The following MACF1 variants were observed in gnomAD, a reference collection of about 807,000 sequenced individuals.
MACF1 encodes microtubule-actin cross-linking factor 1.
A neutral mutation model predicts 854.8 loss-of-function variants in MACF1; 193 were observed. The ratio of observed to expected loss-of-function variants is 0.23; its 90% confidence interval spans 0.20 to 0.25. The LOEUF is 0.25. Among genes scored for constraint, MACF1 ranks in the 10% least tolerant of loss-of-function variants. The probability of loss-of-function intolerance (pLI) is 1.00; values close to 1 mark genes in which losing one functional copy is unlikely to be tolerated. For missense variants in MACF1, 7,722 were observed against 8,929.1 expected (o/e 0.86, Z 5.45); for synonymous variants, 3,185 against 3,226.7 (o/e 0.99, Z 0.44).
rs568382610 is a variant in MACF1 at position 39,371,516 on chromosome 1, G to A, written c.13096-963G>A. Among the ~76,000 whole-genome samples the A allele has an allele frequency of 5.9e-5, 9 of 152,172 alleles. No homozygotes were observed. In the East Asian group the frequency reaches 1.7e-3, roughly 29 times the overall value. ...AAGGCTAGAATGGTGTCCTTTCTCT[G>A]AAAGGAGTAAAATCCTACAACTATG... On this transcript the variant is annotated intron_variant, in intron 51 of 100. Transcript: ENST00000564288.
chr1:39,171,633 A>G (rs10888688), intron 2 of MACF1, among the ~76,000 whole-genome samples: 91,567 of 151,924 alleles, frequency 0.6, 29,661 homozygotes, highest in South Asian at 0.77. Flanking sequence ...AGACATTATA[A>G]TTTTCTTTTT....
chr1:39,265,548 T>C (rs533415385), intron 6 of MACF1, among the ~76,000 whole-genome samples: 7 of 152,356 alleles, frequency 4.6e-5, no homozygotes, highest in Non-Finnish European at 7.3e-5. Context: ...CGAACACTTA[T>C]ATTAGCTAAC....
At position 39,285,134 on chromosome 1, in the gene MACF1, G is replaced by A; in HGVS notation, c.1183G>A (p.Asp395Asn). 1.9e-6 allele frequency: 3 copies of A among 1,614,202 alleles called. No individual in the cohort carries two copies. Among genetic ancestry groups the A allele is most frequent in the Non-Finnish European group, 2.5e-6 (3 of 1,180,036 alleles). Residue 395 changes from aspartate (D) to asparagine (N), a missense_variant, in exon 12 of 101, where the codon GAT (aspartate) becomes AAT (asparagine). Physicochemically the swap from Asp to Asn is conservative, Grantham distance 23. Transcript: ENST00000564288. ...IKLPQGYHPN[D>N]VEEEWGKLII... Reference sequence around the variant, plus strand: ...ACTGCCTCAAGGTTATCACCCTAATGATGTGGAAGAAGAGTGGGGAAAGCT... The same window carrying A: ...ACTGCCTCAAGGTTATCACCCTAATAATGTGGAAGAAGAGTGGGGAAAGCT...
chr1:39,237,580 G>A (rs1001181990), intron 2 of MACF1, among the ~76,000 whole-genome samples: 11 of 152,076 alleles, frequency 7.2e-5, no homozygotes, highest in Admixed American at 1.3e-4. Flanking sequence ...TAACAGCTAG[G>A]GAAAATGAGA....
intron 49 of MACF1, among the ~76,000 whole-genome samples, chr1:39,363,604 CTTT>C (rs1553308665): frequency 3.7e-5 from 5 of 136,088 alleles, no homozygotes; most frequent in Non-Finnish European, 3.2e-5. Context: ...TTCTTTCTTT[CTTT>C]TTTTTTTTTT....
At chr1:39,090,871 A>G (rs1641785512) in intron 2 of MACF1, among the ~76,000 whole-genome samples, 1 of 152,226 alleles carries the variant, frequency 6.6e-6, no homozygotes, top group Admixed American at 6.5e-5. Context: ...ATCCATCATC[A>G]CTAAAGTGTT....
intron 43 of MACF1, among the ~76,000 whole-genome samples, chr1:39,351,858 G>A (rs968276845): frequency 3.3e-5 from 5 of 152,064 alleles, no homozygotes; most frequent in African/African-American, 1.2e-4. Context: ...AAAGTGCTGG[G>A]ATTACAGGTG....
intron 58 of MACF1, among the ~76,000 whole-genome samples, chr1:39,400,697 G>T (rs1269548096): frequency 6.6e-6 from 1 of 151,928 alleles, no homozygotes; most frequent in Non-Finnish European, 1.5e-5. Context: ...TTGTAGAGAT[G>T]GGGTTTTACC....
chr1:39,364,975 C>G (rs1014783791), intron 49 of MACF1, among the ~76,000 whole-genome samples: 1 of 151,974 alleles, frequency 6.6e-6, no homozygotes, highest in African/African-American at 2.4e-5. Flanking sequence ...TAAGCTTATT[C>G]TGAAGTATGA....
chr1:39,371,494 G>C (rs77733191), intron 51 of MACF1, among the ~76,000 whole-genome samples: 1 of 152,092 alleles, frequency 6.6e-6, no homozygotes, highest in Admixed American at 6.5e-5. Context: ...GGCAATGAAG[G>C]CTAGAATGGT....
chr1:39,137,083 T>TTTA (rs1557476195), intron 2 of MACF1, among the ~76,000 whole-genome samples: 10 of 152,164 alleles, frequency 6.6e-5, no homozygotes, highest in Non-Finnish European at 1.5e-4. Flanking sequence ...AATTTAATTT[T>TTTA]ATTTTGAGAC....
At chr1:39,448,569 T>C in intron 83 of MACF1, 25 bp from the exon 84 acceptor site, 2 of 1,467,638 alleles carry the variant, frequency 1.4e-6, no homozygotes, top group Non-Finnish European at 1.8e-6. Flanking sequence ...TTTAACACTT[T>C]TTTCTTTTCT....
chr1:39,374,542 G>A (rs538077626), intron 52 of MACF1, among the ~76,000 whole-genome samples: 4 of 152,268 alleles, frequency 2.6e-5, no homozygotes, highest in African/African-American at 9.6e-5. Flanking sequence ...TTTCTATAAA[G>A]GGCCAGATAG....
Position 39,084,289 on chromosome 1 carries a change from G to A in MACF1, c.71G>A (p.Arg24Gln), listed in dbSNP as rs1571018965. The A allele has an allele frequency of 7.4e-6, 12 of 1,613,998 alleles. No homozygotes were observed. The East Asian group carries it at 1.1e-4, about 15-fold the overall frequency. Residue 24 changes from arginine (R) to glutamine (Q), a missense_variant, in exon 2 of 94, where the codon CGA (arginine) becomes CAA (glutamine). Transcript: ENST00000361689. The surrounding 1 kb of genome is among the most constrained non-coding windows in gnomAD (Gnocchi z 5.2). ...AGTGAGCGGTCTTGTCGGAGTGAGC[G>A]ATCTTACAGGAGCGAGCGGTCGGGG...
intron 2 of MACF1, among the ~76,000 whole-genome samples, chr1:39,161,739 C>T (rs955782742): frequency 6.6e-6 from 1 of 151,586 alleles, no homozygotes; most frequent in Non-Finnish European, 1.5e-5. Flanking sequence ...TGGTGGCGGG[C>T]GCCTGTAGTC....
chr1:39,144,013 C>T (rs186545526), intron 2 of MACF1, among the ~76,000 whole-genome samples: 1 of 151,336 alleles, frequency 6.6e-6, no homozygotes, highest in South Asian at 2.1e-4. Flanking sequence ...TGATCTTGAT[C>T]TCCTGACCTC....
At chr1:39,346,720 C>T (rs1005295017) in intron 40 of MACF1, among the ~76,000 whole-genome samples, 5 of 151,954 alleles carry the variant, frequency 3.3e-5, no homozygotes, top group African/African-American at 1.2e-4. Context: ...GGGGTTTCAC[C>T]GTGTTAGCCA....
upstream of MACF1, among the ~76,000 whole-genome samples, chr1:39,201,888 G>T (rs1255496190): frequency 6.6e-6 from 1 of 150,762 alleles, no homozygotes; most frequent in African/African-American, 2.4e-5. Context: ...TTCTGCCTCA[G>T]GGACTTTGCA....
chr1:39,102,842 G>A, intron 2 of MACF1: 1 of 702,532 alleles, frequency 1.4e-6, no homozygotes, highest in East Asian at 2.7e-5. Flanking sequence ...GTGTGGTCTG[G>A]CTATAAATTT....
Sources: allele counts gnomAD v4.1 joint callset (sites outside exome capture counted in the v4.1 genomes callset), GRCh38; gene constraint gnomAD v4.1.1; non-coding constraint Gnocchi (gnomAD v3.1); transcripts MANE v1.5; gene names NCBI Gene and HGNC (gene_info 2026-07-23, HGNC 2026-07-21).